TTC7A: variants seen among roughly 807,000 people sequenced by gnomAD.
The protein encoded by TTC7A is tetratricopeptide repeat domain 7A.
TTC7A carries 110 observed loss-of-function variants against 103.7 expected under a neutral mutation model. That is an observed-to-expected ratio of 1.06 (90% CI 0.91 to 1.24). The LOEUF is 1.24. TTC7A is among the 50% of genes most tolerant of loss of function. The pLI, the probability that TTC7A is intolerant of heterozygous loss-of-function variation, is 0.00. For synonymous variants in TTC7A, 521 were observed against 467.9 expected, an observed-to-expected ratio of 1.11 and a Z score of -1.47; for missense variants, 1,340 against 1,116.3, an observed-to-expected ratio of 1.20 and a Z score of -2.86.
At chr2:46,923,114 G>C (rs1572636245) in intron 2 of TTC7A, among the ~76,000 whole-genome samples, 1 of 152,316 alleles carries the variant, frequency 6.6e-6, no homozygotes, top group East Asian at 1.9e-4. Context: ...CTCCTGGCCT[G>C]TGGATGTCTT....
rs1678461818 is a variant in TTC7A, at chr2:47,014,773, C to T, written c.1392+3338C>T. 3.3e-5 allele frequency among the ~76,000 whole-genome samples: 5 copies of T among 152,324 alleles called. No individual in the cohort carries two copies. In the South Asian group the frequency reaches 1.0e-3, roughly 32 times the overall value. ...AGAAATCTGGGGGTGGTCAATTTGG[C>T]CTGGGTTGCAGAAAGGGAGGCTGAA... On this transcript the variant is annotated intron_variant, in intron 11 of 19. Coordinates refer to ENST00000319190, the MANE Select transcript of TTC7A (RefSeq NM_020458.4).
intron 15 of TTC7A, among the ~76,000 whole-genome samples, chr2:47,039,686 T>C (rs1681529283): frequency 6.6e-6 from 1 of 152,222 alleles, no homozygotes; most frequent in Non-Finnish European, 1.5e-5. Flanking sequence ...CTTAATCCTT[T>C]TGACAAATAA....
intron 5 of TTC7A, among the ~76,000 whole-genome samples, chr2:46,989,616 A>ATTTTTTTT (rs59228878): frequency 1.5e-5 from 2 of 134,432 alleles, no homozygotes. Flanking sequence ...GGACCTCTCT[A>ATTTTTTTT]TTTTTTTTTT....
chr2:46,962,711 T>C (rs1672494575), intron 3 of TTC7A, among the ~76,000 whole-genome samples: 1 of 152,240 alleles, frequency 6.6e-6, no homozygotes, highest in African/African-American at 2.4e-5. Context: ...TCTCTAGTTC[T>C]GTCCCATGGG....
intron 5 of TTC7A, among the ~76,000 whole-genome samples, chr2:46,989,820 C>CTGTGTGTG (rs10650352): frequency 9.4e-5 from 13 of 137,586 alleles, no homozygotes; most frequent in African/African-American, 2.9e-4. Flanking sequence ...GTGTGTGCAT[C>CTGTGTGTG]TGTGTGTGTG....
At chr2:46,942,018 C>T (rs369373959) in intron 1 of TTC7A, among the ~76,000 whole-genome samples, 64 of 152,204 alleles carry the variant, frequency 4.2e-4, no homozygotes, top group African/African-American at 1.5e-3. Flanking sequence ...GAGATCAGTG[C>T]ATTGGCTGGA....
chr2:47,026,914 G>C (rs1651587812), intron 14 of TTC7A, among the ~76,000 whole-genome samples: 2 of 152,152 alleles, frequency 1.3e-5, no homozygotes, highest in Non-Finnish European at 2.9e-5. Flanking sequence ...CCTCACCCCA[G>C]AGCCTCTGAG....
At chr2:47,060,665 T>C in intron 18 of TTC7A, 104 bp from the exon 19 acceptor site, 1 of 1,049,276 alleles carries the variant, frequency 9.5e-7, no homozygotes. Context: ...GGATAGAGTT[T>C]GTCACCTAAG....
chr2:46,978,868 C>T lies in TTC7A; in HGVS notation c.725C>T (p.Ala242Val). Reference sequence around the variant, plus strand: ...TATGAGCTCACCTACTTCCTGGAAGCTGCCCTCCAGAGCGCCTATGTGAAA... The same window carrying T: ...TATGAGCTCACCTACTTCCTGGAAGTTGCCCTCCAGAGCGCCTATGTGAAA... ...LDYELTYFLEAALQSAYVKNL... is the reference protein window; with the variant it reads ...LDYELTYFLEVALQSAYVKNL... Residue 242 changes from alanine (A) to valine (V), a missense_variant, in exon 5 of 20, where the codon GCT (alanine) becomes GTT (valine). By Grantham distance (64) the Ala-to-Val change is moderately conservative (BLOSUM62 0). Coordinates refer to ENST00000319190, the MANE Select transcript of TTC7A (RefSeq NM_020458.4). 5.6e-6 allele frequency: 9 copies of T among 1,614,116 alleles called. No individual in the cohort carries two copies. The highest frequency in any genetic ancestry group is 7.6e-6 in the Non-Finnish European group (9 of 1,179,988).
intron 17 of TTC7A, 122 bp from the exon 18 acceptor site, chr2:47,051,624 G>A (rs1027813885): frequency 6.3e-5 from 81 of 1,283,222 alleles, no homozygotes; most frequent in African/African-American, 7.4e-5. Flanking sequence ...CTGCCCAGCC[G>A]CACCACCCTA....
chr2:46,950,326 C>G (rs201116834), intron 1 of TTC7A, 37 bp from the exon 2 acceptor site: 6 of 1,610,648 alleles, frequency 3.7e-6, no homozygotes, highest in East Asian at 2.2e-5. Context: ...CCGCCTTGTT[C>G]GGGGTTTGCT....
rs372189078 is a variant in TTC7A, at chr2:47,060,978, C to T, written c.2355+7C>T. On this transcript the variant is annotated splice_region_variant and intron_variant, in intron 19 of 19. Transcript: ENST00000319190. ...GCGCATCATGCATAGCCTGGTGAGT[C>T]AGAGCCCCCCGCGCTCCCACCACCT... 21 of 1,593,732 alleles carry T rather than the reference C, an allele frequency of 1.3e-5. No homozygotes were observed. Among genetic ancestry groups the T allele is most frequent in the Non-Finnish European group, 1.8e-5 (21 of 1,168,758 alleles).
intron 15 of TTC7A, 131 bp from the exon 16 acceptor site, chr2:47,046,184 C>T: frequency 1.4e-6 from 1 of 704,856 alleles, no homozygotes; most frequent in South Asian, 1.7e-5. Flanking sequence ...GCAGAGGCTG[C>T]TGCCCTCATG....
intron 3 of TTC7A, among the ~76,000 whole-genome samples, chr2:46,972,883 G>A (rs1673494830): frequency 6.6e-6 from 1 of 152,190 alleles, no homozygotes; most frequent in Admixed American, 6.5e-5. Flanking sequence ...AGAAGAGCTG[G>A]CCGGAGATGA....
intron 3 of TTC7A, among the ~76,000 whole-genome samples, chr2:46,973,540 G>A (rs1164406055): frequency 6.6e-6 from 1 of 152,196 alleles, no homozygotes; most frequent in African/African-American, 2.4e-5. Flanking sequence ...GGGAGCTAAG[G>A]AAAGAAAGAA....
chr2:47,056,058 A>AT (rs1470915291), intron 18 of TTC7A, among the ~76,000 whole-genome samples: 2 of 152,062 alleles, frequency 1.3e-5, no homozygotes, highest in Non-Finnish European at 1.5e-5. Flanking sequence ...GGACAGGCCC[A>AT]TGCAGCCCCT....
At chr2:47,069,917 C>T (rs1229952895) in intron 19 of TTC7A, among the ~76,000 whole-genome samples, 3 of 151,504 alleles carry the variant, frequency 2.0e-5, no homozygotes, top group African/African-American at 7.3e-5. Context: ...GCTGGAAAGG[C>T]TGTTACAGAA....
At chr2:46,935,054 C>T (rs1284643402) in intron 2 of TTC7A, among the ~76,000 whole-genome samples, 2 of 152,048 alleles carry the variant, frequency 1.3e-5, no homozygotes, top group South Asian at 2.1e-4. Flanking sequence ...CCACCTCGGC[C>T]TCCCAAAGTG....
At chr2:46,930,435 G>GA (rs56691862) in intron 2 of TTC7A, among the ~76,000 whole-genome samples, 2,276 of 120,192 alleles carry the variant, frequency 0.019, 25 homozygotes, top group Non-Finnish European at 0.026. Context: ...GTATTCCTAG[G>GA]AAAAAAAAAA....
Sources: gnomAD v4.1 joint callset for allele counts (sites outside exome capture counted in the v4.1 genomes callset) on GRCh38, gnomAD v4.1.1 for gene constraint, MANE v1.5 for transcripts, NCBI Gene and HGNC (gene_info 2026-07-23, HGNC 2026-07-21) for gene names.